The following PDE11A variants were observed in gnomAD, a reference collection of about 807,000 sequenced individuals.
The protein encoded by PDE11A is dual 3',5'-cyclic-AMP and -GMP phosphodiesterase 11A.
PDE11A carries 100 observed loss-of-function variants against 100.5 expected under a neutral mutation model. The observed-to-expected ratio is 1.00, with a 90% CI of 0.85 to 1.18. The LOEUF (loss-of-function observed/expected upper bound fraction) is 1.18, where lower values mean the gene tolerates loss of function less well. Among genes scored for constraint, PDE11A ranks in the 50% most tolerant of loss-of-function variants. PDE11A has a pLI of 0.00. For missense variants in PDE11A, 1,141 were observed against 1,152.6 expected, an observed-to-expected ratio of 0.99 and a Z score of 0.15; for synonymous variants, 381 against 420.8, an observed-to-expected ratio of 0.91 and a Z score of 1.16.
chr2:177,831,452 T>G (rs2083306966), intron 6 of PDE11A, among the ~76,000 whole-genome samples: 1 of 152,240 alleles, frequency 6.6e-6, no homozygotes. Context: ...CCTTCATACC[T>G]TAACTGTATG....
Position 177,783,909 on chromosome 2 carries a change from T to C in PDE11A, c.1738-14536A>G, listed in dbSNP as rs2082492226. Among the ~76,000 whole-genome samples the C allele has an allele frequency of 2.6e-5, 4 of 152,158 alleles. No individual in the cohort carries two copies. The South Asian group carries it at 8.3e-4, about 32-fold the overall frequency. ...AACAGGTATTCAGATGGGTAAAGTTTATATCTTCCAGGCTACCAAAGTTCC... is the reference window on the plus strand; with the variant it reads ...AACAGGTATTCAGATGGGTAAAGTTCATATCTTCCAGGCTACCAAAGTTCC... On this transcript the variant is annotated intron_variant, in intron 9 of 19. Coordinates refer to ENST00000286063, the MANE Select transcript of PDE11A (RefSeq NM_016953.4).
At chr2:177,984,712 A>T (rs1433353997) in intron 2 of PDE11A, among the ~76,000 whole-genome samples, 1 of 152,258 alleles carries the variant, frequency 6.6e-6, no homozygotes, top group Non-Finnish European at 1.5e-5. Context: ...CTTCACCAAA[A>T]AACCCCCATG....
At chr2:177,858,247 G>A (rs536185710) in intron 5 of PDE11A, among the ~76,000 whole-genome samples, 12 of 152,168 alleles carry the variant, frequency 7.9e-5, no homozygotes, top group Admixed American at 7.8e-4. Flanking sequence ...ATTGACAAAT[G>A]GGATCTAATT....
intron 19 of PDE11A, among the ~76,000 whole-genome samples, chr2:177,645,879 C>T (rs1433568047): frequency 6.6e-6 from 1 of 151,966 alleles, no homozygotes; most frequent in Non-Finnish European, 1.5e-5. Context: ...CCATTTTTTC[C>T]CCAAGATTTG....
At chr2:177,727,472 T>G (rs1487851303) in intron 12 of PDE11A, among the ~76,000 whole-genome samples, 186 bp downstream of exon 12, 1 of 152,044 alleles carries the variant, frequency 6.6e-6, no homozygotes, top group Non-Finnish European at 1.5e-5. Context: ...CTTCAAGGGG[T>G]CAACAATGTT....
At chr2:178,029,167 A>G (rs1019922210) in intron 1 of PDE11A, among the ~76,000 whole-genome samples, 2 of 152,194 alleles carry the variant, frequency 1.3e-5, no homozygotes, top group Non-Finnish European at 2.9e-5. Flanking sequence ...ACCCAACAAC[A>G]AGAGATTTCA....
intron 9 of PDE11A, among the ~76,000 whole-genome samples, chr2:177,796,060 A>G (rs993861401): frequency 1.3e-5 from 2 of 150,108 alleles, no homozygotes; most frequent in African/African-American, 2.4e-5. Context: ...ATATATATAT[A>G]TCTTTGCTGT....
At chr2:177,937,765 T>C (rs1029555760) in intron 2 of PDE11A, among the ~76,000 whole-genome samples, 1 of 152,196 alleles carries the variant, frequency 6.6e-6, no homozygotes, top group African/African-American at 2.4e-5. Context: ...GAATAGAAGA[T>C]CCTGTATACC....
chr2:177,944,095 CT>C (rs1181278161), intron 2 of PDE11A, among the ~76,000 whole-genome samples: 3 of 152,102 alleles, frequency 2.0e-5, no homozygotes, highest in Non-Finnish European at 4.4e-5. Context: ...ATGGGACTTT[CT>C]TTGTCATTTC....
intron 9 of PDE11A, among the ~76,000 whole-genome samples, chr2:177,810,072 C>T (rs2082926284): frequency 1.3e-5 from 2 of 149,332 alleles, no homozygotes; most frequent in South Asian, 2.1e-4. Flanking sequence ...TACCATCCTC[C>T]CCAAATAAAA....
At chr2:178,080,222 T>G (rs561658838) in intron 2 of PDE11A, among the ~76,000 whole-genome samples, 3 of 152,186 alleles carry the variant, frequency 2.0e-5, no homozygotes, top group Non-Finnish European at 2.9e-5. Flanking sequence ...TTTGCCACAG[T>G]GCCTATGTCT....
At chr2:177,868,285 A>G (rs767123419) in intron 5 of PDE11A, among the ~76,000 whole-genome samples, 14 of 152,160 alleles carry the variant, frequency 9.2e-5, no homozygotes, top group Non-Finnish European at 1.6e-4. Context: ...GGTGCTTCTC[A>G]AAGTTGAGGT....
At chr2:177,710,274 TG>T (rs1007649103) in intron 13 of PDE11A, among the ~76,000 whole-genome samples, 2 of 150,186 alleles carry the variant, frequency 1.3e-5, no homozygotes, top group African/African-American at 4.9e-5. Context: ...AGTTTGTAGG[TG>T]GCAGGGGAGG....
intron 2 of PDE11A, among the ~76,000 whole-genome samples, chr2:178,007,555 A>G (rs183071485): frequency 6.6e-6 from 1 of 152,298 alleles, no homozygotes; most frequent in African/African-American, 2.4e-5. Flanking sequence ...TAGATAAAAT[A>G]TTGGAATTAA....
chr2:177,734,997 G>A (rs887759210), intron 10 of PDE11A, among the ~76,000 whole-genome samples: 12 of 152,222 alleles, frequency 7.9e-5, no homozygotes, highest in Non-Finnish European at 1.5e-5. Context: ...TATGTATTGT[G>A]CATCTAACTG....
chr2:177,993,748 A>C (rs990548528), intron 2 of PDE11A, among the ~76,000 whole-genome samples: 9 of 152,276 alleles, frequency 5.9e-5, no homozygotes, highest in African/African-American at 2.2e-4. Flanking sequence ...CAAGCCAGGA[A>C]AAAGGAGAGG....
At chr2:177,818,426 A>G (rs1281507578) in intron 7 of PDE11A, among the ~76,000 whole-genome samples, 1 of 151,882 alleles carries the variant, frequency 6.6e-6, no homozygotes, top group Non-Finnish European at 1.5e-5. Flanking sequence ...TTTCAACTCC[A>G]CCATCAGGTG....
intron 9 of PDE11A, among the ~76,000 whole-genome samples, chr2:177,807,781 A>G (rs890943103): frequency 6.6e-6 from 1 of 152,238 alleles, no homozygotes; most frequent in Admixed American, 6.5e-5. Flanking sequence ...TACACTTAGT[A>G]TACAAGAATC....
At chr2:177,786,020 C>A (rs901587039) in intron 9 of PDE11A, among the ~76,000 whole-genome samples, 1 of 152,190 alleles carries the variant, frequency 6.6e-6, no homozygotes, top group Non-Finnish European at 1.5e-5. Flanking sequence ...TGTCTGACAG[C>A]TTTGAAGAGA....
Sources: allele counts gnomAD v4.1 joint callset (sites outside exome capture counted in the v4.1 genomes callset), GRCh38; gene constraint gnomAD v4.1.1; transcripts MANE v1.5; gene names NCBI Gene and HGNC (gene_info 2026-07-23, HGNC 2026-07-21).